The following UNC13B variants were observed in gnomAD, a reference collection of about 807,000 sequenced individuals.
UNC13B encodes unc-13 homolog B.
A neutral mutation model predicts 211.0 loss-of-function variants in UNC13B; 144 were observed. The ratio of observed to expected loss-of-function variants is 0.68; its 90% CI spans 0.60 to 0.78. UNC13B has a LOEUF of 0.78. Ranked by LOEUF, UNC13B falls within the 30% of genes least tolerant of loss-of-function variation. The pLI, the probability that UNC13B is intolerant of heterozygous loss-of-function variation, is 0.00. For missense variants in UNC13B, 1,777 were observed against 2,002.0 expected (o/e 0.89, Z 2.14); for synonymous variants, 709 against 725.8 (o/e 0.98, Z 0.37).
chr9:35,323,483 C>T (rs1264558433), intron 11 of UNC13B, among the ~76,000 whole-genome samples: 1 of 152,192 alleles, frequency 6.6e-6, no homozygotes, highest in African/African-American at 2.4e-5. Context: ...CTTCAAACTT[C>T]ATGGTAAGCC....
intron 1 of UNC13B, among the ~76,000 whole-genome samples, chr9:35,191,610 T>C (rs1822663115): frequency 6.6e-6 from 1 of 152,270 alleles, no homozygotes. Context: ...TAAGATATTT[T>C]GTAAACTCTG....
intron 16 of UNC13B, 130 bp downstream of exon 16, chr9:35,377,825 G>T (rs987702678): frequency 1.4e-5 from 14 of 978,428 alleles, no homozygotes; most frequent in African/African-American, 6.6e-5. Flanking sequence ...GGAAGGAAAG[G>T]CCTCTTTATT....
intron 1 of UNC13B, 157 bp from the exon 2 acceptor site, chr9:35,227,858 T>G (rs965072580): frequency 2.5e-5 from 14 of 552,284 alleles, no homozygotes; most frequent in African/African-American, 1.8e-4. Flanking sequence ...CTCTTTGCCT[T>G]TCAAGTTTTG....
intron 1 of UNC13B, among the ~76,000 whole-genome samples, chr9:35,208,058 T>G (rs1035741294): frequency 6.6e-6 from 1 of 152,232 alleles, no homozygotes; most frequent in Non-Finnish European, 1.5e-5. Flanking sequence ...AAAATACATC[T>G]TGGATATCTC....
intron 7 of UNC13B, among the ~76,000 whole-genome samples, chr9:35,265,848 GTC>G (rs1443853692): frequency 6.6e-6 from 1 of 152,028 alleles, no homozygotes; most frequent in Admixed American, 6.5e-5. Flanking sequence ...TTGCGATGGA[GTC>G]TCTCTCACTC....
intron 6 of UNC13B, among the ~76,000 whole-genome samples, chr9:35,244,342 C>T (rs1825968509): frequency 6.6e-6 from 1 of 152,118 alleles, no homozygotes; most frequent in Admixed American, 6.6e-5. Flanking sequence ...AGTATACATC[C>T]ATAGACTAGT....
chr9:35,260,028 C>G (rs957040181), intron 7 of UNC13B, among the ~76,000 whole-genome samples: 1 of 73,776 alleles, frequency 1.4e-5, no homozygotes, highest in Non-Finnish European at 2.5e-5. Context: ...AAACAGATAC[C>G]TCATTTCTAC....
At chr9:35,395,258 G>A (rs1244031511) in intron 26 of UNC13B, among the ~76,000 whole-genome samples, 1 of 152,132 alleles carries the variant, frequency 6.6e-6, no homozygotes, top group African/African-American at 2.4e-5. Context: ...TTGTCCTTTT[G>A]CCTCTAGTCT....
Position 35,303,023 on chromosome 9 carries a change from T to G in UNC13B, c.3619T>G (p.Ser1207Ala), listed in dbSNP as rs955303888. Residue 1207 changes from serine (S) to alanine (A), a missense_variant, in exon 9 of 40, where the codon TCT (serine) becomes GCT (alanine). Transcript: ENST00000635942. Reference sequence around the variant, plus strand: ...TAAACCAGAGGAAGCAAAGTTCATGTCTTTAGGCAACATGAAGAGTTTGAA... The same window carrying G: ...TAAACCAGAGGAAGCAAAGTTCATGGCTTTAGGCAACATGAAGAGTTTGAA... ...DHKPEEAKFM[S>A]LGNMKSLNGD... 6 of 398,628 alleles carry G rather than the reference T, an allele frequency of 1.5e-5. No individual in the cohort carries two copies. The highest frequency in any genetic ancestry group is 1.2e-4 in the African/African-American group (6 of 48,622). The allele number at this position is 398,628 out of a possible 1,614,324, so 24.7% of individuals were successfully genotyped here.
intron 1 of UNC13B, among the ~76,000 whole-genome samples, chr9:35,204,182 G>T (rs533570764): frequency 1.3e-4 from 20 of 152,354 alleles, no homozygotes; most frequent in African/African-American, 4.8e-4. Flanking sequence ...TTAAGCCTGT[G>T]GATGCACAGA....
At chr9:35,334,451 G>C (rs1463519549) in intron 11 of UNC13B, among the ~76,000 whole-genome samples, 1 of 152,266 alleles carries the variant, frequency 6.6e-6, no homozygotes, top group Non-Finnish European at 1.5e-5. Context: ...AGGCCATGCA[G>C]ATGTTTGAGT....
chr9:35,286,873 C>G (rs900481041), intron 7 of UNC13B, among the ~76,000 whole-genome samples: 1 of 151,998 alleles, frequency 6.6e-6, no homozygotes, highest in Admixed American at 6.6e-5. Flanking sequence ...CTCTTCCAGA[C>G]CTTGTTCTGT....
intron 7 of UNC13B, among the ~76,000 whole-genome samples, chr9:35,263,120 G>C (rs1268377770): frequency 6.6e-6 from 1 of 152,118 alleles, no homozygotes; most frequent in Non-Finnish European, 1.5e-5. Flanking sequence ...AATAGGAATA[G>C]GCTTTGACTC....
chr9:35,393,716 C>T (rs778501266), intron 26 of UNC13B, among the ~76,000 whole-genome samples: 4 of 151,586 alleles, frequency 2.6e-5, no homozygotes, highest in South Asian at 2.1e-4. Context: ...GGATTACAAG[C>T]GTGTGCCACC....
intron 1 of UNC13B, among the ~76,000 whole-genome samples, chr9:35,162,945 G>T (rs1206251011): frequency 6.6e-6 from 1 of 152,156 alleles, no homozygotes; most frequent in Non-Finnish European, 1.5e-5. Context: ...TTCCCCTGAG[G>T]ACACTTGACC....
Position 35,375,169 on chromosome 9 carries a change from G to A in UNC13B, c.9583G>A (p.Ala3195Thr). 2.5e-6 allele frequency: 4 copies of A among 1,614,140 alleles called. No individual in the cohort carries two copies. The highest frequency in any genetic ancestry group is 3.4e-6 in the Non-Finnish European group (4 of 1,179,986). ...SRKAGITSAMATRTSLKDEEL... is the reference protein window; with the variant it reads ...SRKAGITSAMTTRTSLKDEEL... ...GAAGGCAGGAATCACTTCTGCAATG[G>A]CTACACGCACTTCTCTTAAGGACGA... The change falls in exon 14 of 40, where the codon GCT (alanine) becomes ACT (threonine). Residue 3195 changes from alanine (A) to threonine (T), a missense_variant. Ala to Thr is a moderately conservative substitution (Grantham distance 58). Coordinates refer to ENST00000635942, the MANE Select transcript of UNC13B (RefSeq NM_001371189.2).
chr9:35,293,623 G>A (rs1449233255), intron 7 of UNC13B, among the ~76,000 whole-genome samples: 1 of 152,154 alleles, frequency 6.6e-6, no homozygotes, highest in African/African-American at 2.4e-5. Context: ...AGTGGCATAT[G>A]GTTTTGTCTC....
At chr9:35,250,257 A>C (rs970143121) in intron 6 of UNC13B, among the ~76,000 whole-genome samples, 2 of 152,174 alleles carry the variant, frequency 1.3e-5, no homozygotes, top group Admixed American at 6.6e-5. Flanking sequence ...GTGCCCATGG[A>C]TATCACCACA....
intron 11 of UNC13B, among the ~76,000 whole-genome samples, chr9:35,355,198 C>T (rs991304873): frequency 4.6e-5 from 7 of 152,074 alleles, no homozygotes; most frequent in African/African-American, 1.4e-4. Flanking sequence ...GGAAAGAATA[C>T]AATACACACA....
Sources: allele counts gnomAD v4.1 joint callset (sites outside exome capture counted in the v4.1 genomes callset), GRCh38; gene constraint gnomAD v4.1.1; transcripts MANE v1.5; gene names NCBI Gene and HGNC (gene_info 2026-07-23, HGNC 2026-07-21).